GRM1: variants seen among roughly 807,000 people sequenced by gnomAD.
GRM1 encodes metabotropic glutamate receptor 1.
A neutral mutation model predicts 90.9 loss-of-function variants in GRM1; 33 were observed. That is an observed-to-expected ratio of 0.36 (90% CI 0.28 to 0.49). The LOEUF (loss-of-function observed/expected upper bound fraction) is 0.49. Ranked by LOEUF, GRM1 falls within the 20% of genes least tolerant of loss-of-function variation. The pLI is 0.99. For synonymous variants in GRM1, 700 were observed against 613.2 expected, an observed-to-expected ratio of 1.14 and a Z score of -2.09; for missense variants, 1,190 against 1,534.3, an observed-to-expected ratio of 0.78 and a Z score of 3.75.
chr6:146,354,294 C>T, intron 4 of GRM1, among the ~76,000 whole-genome samples: 1 of 152,150 alleles, frequency 6.6e-6, no homozygotes, highest in Admixed American at 6.5e-5. Flanking sequence ...CATTGACTAC[C>T]TGCCTCTGTA....
chr6:146,282,409 T>C (rs112987045), intron 2 of GRM1, among the ~76,000 whole-genome samples: 30 of 152,252 alleles, frequency 2.0e-4, no homozygotes, highest in African/African-American at 6.7e-4. Context: ...CCTGTTTGGG[T>C]CACTGCTTCA....
intron 2 of GRM1, among the ~76,000 whole-genome samples, chr6:146,200,538 A>C (rs1779266039): frequency 1.3e-5 from 2 of 152,190 alleles, no homozygotes; most frequent in Non-Finnish European, 2.9e-5. Flanking sequence ...TATATCATGC[A>C]GGAGCATGCA....
At chr6:146,410,598 G>C (rs945382515) in intron 7 of GRM1, among the ~76,000 whole-genome samples, 1 of 152,086 alleles carries the variant, frequency 6.6e-6, no homozygotes, top group Admixed American at 6.5e-5. Context: ...GGCACCTAGA[G>C]GGCCTCTAGT....
chr6:146,071,749 C>G (rs991467775), intron 1 of GRM1, among the ~76,000 whole-genome samples: 1 of 152,178 alleles, frequency 6.6e-6, no homozygotes, highest in Non-Finnish European at 1.5e-5. Flanking sequence ...AAACCTTGAC[C>G]AACCCAATAG....
At chr6:146,242,598 G>T (rs563213647) in intron 2 of GRM1, among the ~76,000 whole-genome samples, 92 of 152,170 alleles carry the variant, frequency 6.0e-4, no homozygotes, top group African/African-American at 2.1e-3. Flanking sequence ...AAAGCCAGTT[G>T]CATGAAATTC....
chr6:146,398,750 A>G lies in GRM1; in HGVS notation c.1730-19A>G, dbSNP rs1166675512. The G allele has an allele frequency of 6.4e-7, 1 of 1,564,158 alleles. No individual in the cohort carries two copies. The highest frequency in any genetic ancestry group is 2.2e-5 in the East Asian group (1 of 44,660). On this transcript the variant is annotated intron_variant, in intron 6 of 7. Coordinates refer to ENST00000282753, the MANE Select transcript of GRM1 (RefSeq NM_001278064.2). Reference sequence around the variant, plus strand: ...GCAGAAACCTTGGATTCATGCTCAAATGATTTTTCTCATCACAGGCTGTGA... The same window carrying G: ...GCAGAAACCTTGGATTCATGCTCAAGTGATTTTTCTCATCACAGGCTGTGA...
In GRM1 at chr6:146,262,878, A is replaced by G. The variant is rs558516048; in HGVS notation, c.951-41733A>G. 2.0e-5 allele frequency among the ~76,000 whole-genome samples: 3 copies of G among 152,072 alleles called. No homozygotes were observed. In the East Asian group the frequency reaches 5.8e-4, roughly 29 times the overall value. On this transcript the variant is annotated intron_variant, in intron 2 of 7. Coordinates refer to ENST00000282753, the MANE Select transcript of GRM1 (RefSeq NM_001278064.2). The stretch of plus-strand genomic sequence containing the variant: ...TTTACTCATAATGAACAATTTAATA[A>G]TAAACAAAGGCAAATTAAATAAACG...
intron 1 of GRM1, among the ~76,000 whole-genome samples, chr6:146,126,390 G>C (rs1776200618): frequency 1.3e-5 from 2 of 151,730 alleles, no homozygotes; most frequent in Non-Finnish European, 2.9e-5. Flanking sequence ...ATATATTTTT[G>C]GTGCACATAT....
At chr6:146,283,553 G>T (rs1455158968) in intron 2 of GRM1, among the ~76,000 whole-genome samples, 1 of 152,154 alleles carries the variant, frequency 6.6e-6, no homozygotes, top group Non-Finnish European at 1.5e-5. Flanking sequence ...CTTTGGATTG[G>T]CCTGTGGTGT....
chr6:146,377,716 T>C (rs189746256), intron 5 of GRM1, among the ~76,000 whole-genome samples: 8 of 152,200 alleles, frequency 5.3e-5, no homozygotes, highest in African/African-American at 1.7e-4. Flanking sequence ...CAACAGGCCA[T>C]GTGAGATACC....
chr6:146,043,563 A>G (rs1791195196), intron 1 of GRM1, among the ~76,000 whole-genome samples: 2 of 151,568 alleles, frequency 1.3e-5, no homozygotes, highest in Admixed American at 6.6e-5. Flanking sequence ...TCTCTTAAAG[A>G]GCTAACATGT....
chr6:146,368,260 TG>T (rs200400693), intron 5 of GRM1, among the ~76,000 whole-genome samples: 5,722 of 115,762 alleles, frequency 0.049, 321 homozygotes, highest in East Asian at 0.28. Flanking sequence ...AGTTTTTTTT[TG>T]GGGGGGGGGG....
chr6:146,324,462 AT>A (rs1271479981), intron 3 of GRM1, among the ~76,000 whole-genome samples: 50 of 152,198 alleles, frequency 3.3e-4, no homozygotes, highest in African/African-American at 1.1e-3. Context: ...ATTAAAAAAA[AT>A]AAATAAAATT....
chr6:146,172,912 T>C (rs1467031175), intron 2 of GRM1, among the ~76,000 whole-genome samples: 3 of 152,152 alleles, frequency 2.0e-5, no homozygotes, highest in East Asian at 3.9e-4. Flanking sequence ...AACTGATAAG[T>C]TGATCAGGGA....
At chr6:146,034,727 G>A (rs952560867) in intron 1 of GRM1, among the ~76,000 whole-genome samples, 2 of 151,854 alleles carry the variant, frequency 1.3e-5, no homozygotes, top group Admixed American at 1.3e-4. Flanking sequence ...GCTAATTCTG[G>A]TGTTCACTCA....
At chr6:146,180,166 A>G (rs941293173) in intron 2 of GRM1, among the ~76,000 whole-genome samples, 2 of 151,684 alleles carry the variant, frequency 1.3e-5, no homozygotes, top group Non-Finnish European at 2.9e-5. Flanking sequence ...CAACCAACAA[A>G]CAAAAAACTC....
At chr6:146,259,520 C>T (rs4596502) in intron 2 of GRM1, among the ~76,000 whole-genome samples, 31,746 of 152,082 alleles carry the variant, frequency 0.21, 7,325 homozygotes, top group African/African-American at 0.58. Flanking sequence ...AGTTTGACTA[C>T]TCCAGATAGC....
At chr6:146,265,477 G>C (rs1412199345) in intron 2 of GRM1, among the ~76,000 whole-genome samples, 1 of 152,136 alleles carries the variant, frequency 6.6e-6, no homozygotes, top group Non-Finnish European at 1.5e-5. Context: ...CATTCTGTAG[G>C]TTGTCTTCTT....
chr6:146,334,523 A>G (rs1784699748), intron 3 of GRM1, among the ~76,000 whole-genome samples: 1 of 152,122 alleles, frequency 6.6e-6, no homozygotes, highest in African/African-American at 2.4e-5. Context: ...ACATTTCCTC[A>G]TACGATATTT....
Sources: gnomAD v4.1 joint callset for allele counts (sites outside exome capture counted in the v4.1 genomes callset) on GRCh38, gnomAD v4.1.1 for gene constraint, MANE v1.5 for transcripts, NCBI Gene and HGNC (gene_info 2026-07-23, HGNC 2026-07-21) for gene names.